The following NFASC variants were observed in gnomAD, a reference collection of about 807,000 sequenced individuals.
NFASC encodes the protein neurofascin homolog.
Under a neutral mutation model 147.5 loss-of-function variants are expected in NFASC, and 43 were observed. That is an observed-to-expected ratio of 0.29 (90% CI 0.23 to 0.38). The LOEUF (loss-of-function observed/expected upper bound fraction) is 0.38, where lower values mean the gene tolerates loss of function less well. Ranked by LOEUF, NFASC falls within the 10% of genes least tolerant of loss-of-function variation. The pLI, the probability that NFASC is intolerant of heterozygous loss-of-function variation, is 1.00. For missense variants in NFASC, 1,320 were observed against 1,689.0 expected (o/e 0.78, Z 3.83); for synonymous variants, 622 against 665.5 (o/e 0.93, Z 1.01).
intron 2 of NFASC, among the ~76,000 whole-genome samples, chr1:204,939,753 T>C (rs2093219388): frequency 6.6e-6 from 1 of 152,270 alleles, no homozygotes; most frequent in African/African-American, 2.4e-5. Flanking sequence ...GTGGACTTGA[T>C]TGCTGTAGGC....
Position 204,987,326 on chromosome 1 carries a change from A to C in NFASC, c.2471-92A>C, listed in dbSNP as rs560891416. On this transcript the variant is annotated intron_variant, in intron 21 of 29. Transcript: ENST00000339876. This position sits in a 1 kb window ranked among gnomAD's most constrained non-coding sequence, Gnocchi z 4.4. ...GAGCATGGGGGTTGTCCAGAGGTCAATGCCTTCATACTTGTGCTTTGTTTT... is the reference window on the plus strand; with the variant it reads ...GAGCATGGGGGTTGTCCAGAGGTCACTGCCTTCATACTTGTGCTTTGTTTT... 1 of 1,266,466 alleles carries C rather than the reference A, an allele frequency of 7.9e-7. No homozygotes were observed. Among genetic ancestry groups the C allele is most frequent in the East Asian group, 2.5e-5 (1 of 39,624 alleles). 78.5% of individuals were successfully genotyped at this position (1,266,466 alleles called of 1,614,324 possible).
At chr1:204,916,733 G>GTTTTTTGT (rs1553253141) in intron 1 of NFASC, among the ~76,000 whole-genome samples, 3 of 151,694 alleles carry the variant, frequency 2.0e-5, no homozygotes, top group South Asian at 2.1e-4. Context: ...TTTGTTTTTT[G>GTTTTTTGT]TTTTTTTATT....
At chr1:204,854,140 A>G (rs138259651) in intron 1 of NFASC, among the ~76,000 whole-genome samples, 36 of 150,926 alleles carry the variant, frequency 2.4e-4, no homozygotes, top group African/African-American at 7.3e-4. Context: ...AGCAAGAGCC[A>G]AAACTCTTGG....
At chr1:205,006,852 A>G (rs10159366) in intron 27 of NFASC, among the ~76,000 whole-genome samples, 20,025 of 152,206 alleles carry the variant, frequency 0.13, 1,681 homozygotes, top group South Asian at 0.29. Flanking sequence ...TTTCAAGCGC[A>G]TGCATCCAAG....
intron 27 of NFASC, among the ~76,000 whole-genome samples, chr1:205,003,561 A>G (rs1040703635): frequency 6.6e-6 from 1 of 152,176 alleles, no homozygotes; most frequent in Non-Finnish European, 1.5e-5. Flanking sequence ...GCAGGCTGCC[A>G]AGTGGCCGGT....
At chr1:204,931,656 G>A (rs773341467) in intron 2 of NFASC, among the ~76,000 whole-genome samples, 1 of 152,124 alleles carries the variant, frequency 6.6e-6, no homozygotes, top group Non-Finnish European at 1.5e-5. Context: ...AATACCTGAC[G>A]AACTGTTTCA....
At chr1:204,955,053 T>C (rs968225583) in intron 7 of NFASC, 102 bp downstream of exon 7, 14 of 1,429,364 alleles carry the variant, frequency 9.8e-6, no homozygotes, top group Non-Finnish European at 1.3e-5. Flanking sequence ...AGGCCTTGAT[T>C]TGTGAGAGGC....
chr1:205,009,821 T>C, intron 28 of NFASC, 133 bp downstream of exon 28: 1 of 955,900 alleles, frequency 1.0e-6, no homozygotes, highest in Non-Finnish European at 1.6e-6. Context: ...GGAAATACAA[T>C]CCTCTTGCCT....
chr1:204,985,933 C>G, intron 21 of NFASC: 1 of 1,613,456 alleles, frequency 6.2e-7, no homozygotes, highest in South Asian at 1.1e-5. Flanking sequence ...GGGAGAGCAG[C>G]TTGCTGAAGA....
rs990035232 is a variant in NFASC, at chr1:204,981,814, C to T, written c.2264C>T (p.Ser755Leu). ...TCTGCCCAGCCCATGAATGCCACCTCGGCCTTTGGCCCCAACCTGCGCTAC... is the reference window on the plus strand; with the variant it reads ...TCTGCCCAGCCCATGAATGCCACCTTGGCCTTTGGCCCCAACCTGCGCTAC... ...EITWTPMNAT[S>L]AFGPNLRYIV... The change falls in exon 21 of 30, where the codon TCG becomes TTG. Residue 755 changes from serine (S) to leucine (L), a missense_variant. Around this residue, in one of 3 missense-constraint regions of NFASC, gnomAD observed 981 missense variants for 1,289.5 expected, o/e 0.76. Coordinates refer to ENST00000339876, the MANE Select transcript of NFASC (RefSeq NM_001005388.3). The T allele has an allele frequency of 2.0e-5, 32 of 1,566,928 alleles. No homozygotes were observed. Among genetic ancestry groups the T allele is most frequent in the Non-Finnish European group, 2.5e-5 (29 of 1,153,956 alleles).
intron 1 of NFASC, among the ~76,000 whole-genome samples, chr1:204,858,632 C>G (rs2102800712): frequency 6.6e-6 from 1 of 152,244 alleles, no homozygotes; most frequent in Middle Eastern, 3.4e-3. Context: ...CTGGAGTCCC[C>G]TCTCCTCACT....
At position 204,970,756 on chromosome 1, in the gene NFASC, C is replaced by A; in HGVS notation, c.1135+9C>A. 1 of 1,614,114 alleles carries A rather than the reference C, an allele frequency of 6.2e-7. No individual in the cohort carries two copies. Among genetic ancestry groups the A allele is most frequent in the Non-Finnish European group, 8.5e-7 (1 of 1,179,986 alleles). On this transcript the variant is annotated intron_variant, in intron 11 of 29. Coordinates refer to ENST00000339876, the MANE Select transcript of NFASC (RefSeq NM_001005388.3). The stretch of plus-strand genomic sequence containing the variant: ...TGGGGAACCTTTGCAATGTAAGTAG[C>A]GAGCTGTTGTCCCATCTGACTCTCA...
At chr1:205,012,748 C>T in intron 28 of NFASC, 49 bp from the exon 29 acceptor site, 10 of 1,339,038 alleles carry the variant, frequency 7.5e-6, no homozygotes, top group Non-Finnish European at 1.1e-5. Flanking sequence ...AGAGCAGGGG[C>T]ATGTACTTAA....
intron 21 of NFASC, chr1:204,984,337 GTGTGTGTGTATATATATATA>G: frequency 2.8e-6 from 1 of 353,092 alleles, no homozygotes. Flanking sequence ...ATATATGTGT[GTGTGTGTGTATATATATATA>G]TGTGTGTGTG....
At chr1:204,960,495 A>G (rs1337254902) in intron 8 of NFASC, among the ~76,000 whole-genome samples, 1 of 152,230 alleles carries the variant, frequency 6.6e-6, no homozygotes, top group Non-Finnish European at 1.5e-5. Context: ...TTCTTCCTCC[A>G]GTGTCTAAGT....
At chr1:204,839,778 C>T (rs141919831) in intron 1 of NFASC, among the ~76,000 whole-genome samples, 1 of 152,318 alleles carries the variant, frequency 6.6e-6, no homozygotes, top group East Asian at 1.9e-4. Context: ...GGTGACAGAG[C>T]CTTGCTCTTA....
intron 2 of NFASC, among the ~76,000 whole-genome samples, chr1:204,923,388 C>G (rs1196964326): frequency 6.6e-6 from 1 of 152,128 alleles, no homozygotes; most frequent in Non-Finnish European, 1.5e-5. Context: ...CTCTCCCCTT[C>G]CCTCCCGCCA....
intron 1 of NFASC, among the ~76,000 whole-genome samples, chr1:204,906,900 G>A (rs367981872): frequency 1.4e-4 from 22 of 152,202 alleles, no homozygotes; most frequent in Non-Finnish European, 2.8e-4. Context: ...AGCCAGGATG[G>A]TCTGCATCTC....
intron 1 of NFASC, among the ~76,000 whole-genome samples, chr1:204,850,881 A>C (rs1219836584): frequency 6.6e-6 from 1 of 152,148 alleles, no homozygotes; most frequent in Admixed American, 6.5e-5. Context: ...TTCTTAGTCT[A>C]TTGTTTATTT....
Sources: gnomAD v4.1 joint callset for allele counts (sites outside exome capture counted in the v4.1 genomes callset) on GRCh38, gnomAD v4.1.1 for gene constraint, gnomAD v4.1.1 regional missense constraint, Gnocchi (gnomAD v3.1) non-coding constraint, MANE v1.5 for transcripts, NCBI Gene and HGNC (gene_info 2026-07-23, HGNC 2026-07-21) for gene names.